Variants in CSMD1 observed in about 807,000 individuals in gnomAD.
CSMD1 encodes the protein CUB and Sushi multiple domains 1, also known as CUB and sushi domain-containing protein 1.
Under a neutral mutation model 417.5 loss-of-function variants are expected in CSMD1, and 213 were observed. The observed-to-expected ratio is 0.51, with a 90% confidence interval of 0.46 to 0.57. CSMD1 has a LOEUF of 0.57. Among genes scored for constraint, CSMD1 ranks in the 20% least tolerant of loss-of-function variants. The pLI, the probability that CSMD1 is intolerant of heterozygous loss-of-function variation, is 0.00. For missense variants in CSMD1, 6,923 were observed against 4,529.7 expected (o/e 1.53, Z -15.17); for synonymous variants, 2,862 against 1,736.8 (o/e 1.65, Z -16.11).
At chr8:4,302,675 TC>T (rs1473163119) in intron 3 of CSMD1, among the ~76,000 whole-genome samples, 2 of 152,178 alleles carry the variant, frequency 1.3e-5, no homozygotes, top group South Asian at 2.1e-4. Flanking sequence ...TCAAAAGCAT[TC>T]ATCTCTACTA....
intron 2 of CSMD1, among the ~76,000 whole-genome samples, chr8:4,447,574 T>G (rs1798886859): frequency 6.6e-6 from 1 of 152,190 alleles, no homozygotes; most frequent in Non-Finnish European, 1.5e-5. Flanking sequence ...ATACCAATGC[T>G]CTGTCAACAG....
chr8:4,770,527 C>G (rs1483081404), intron 1 of CSMD1, among the ~76,000 whole-genome samples: 1 of 151,150 alleles, frequency 6.6e-6, no homozygotes, highest in Non-Finnish European at 1.5e-5. Context: ...AGAAAAAAAT[C>G]AAAAGTTGAA....
chr8:3,255,422 A>T (rs1405972821), intron 26 of CSMD1, among the ~76,000 whole-genome samples: 4 of 152,162 alleles, frequency 2.6e-5, no homozygotes, highest in African/African-American at 9.6e-5. Flanking sequence ...TTCAGTCTGC[A>T]CAGGTTTCTG....
rs1440907142 is a variant in CSMD1, at chr8:3,359,353, G to C, written c.3116-13C>G. 2.5e-6 allele frequency: 4 copies of C among 1,605,938 alleles called. No homozygotes were observed. The highest frequency in any genetic ancestry group is 1.7e-5 in the Admixed American group (1 of 59,764). On this transcript the variant is annotated splice_polypyrimidine_tract_variant and intron_variant, in intron 20 of 69. Coordinates refer to ENST00000635120, the MANE Select transcript of CSMD1 (RefSeq NM_033225.6). ...TCCAGGTCATATTCTGAGGCATGCA[G>C]AGACAGAGTAAATGCATGAGGATTT...
At chr8:4,354,558 A>C (rs1801287106) in intron 3 of CSMD1, among the ~76,000 whole-genome samples, 1 of 152,168 alleles carries the variant, frequency 6.6e-6, no homozygotes, top group Non-Finnish European at 1.5e-5. Flanking sequence ...CATTAGCACT[A>C]AACATAGATG....
intron 49 of CSMD1, among the ~76,000 whole-genome samples, chr8:3,084,650 A>G (rs1814391977): frequency 6.6e-6 from 1 of 152,118 alleles, no homozygotes; most frequent in African/African-American, 2.4e-5. Context: ...TTTATATTTA[A>G]TATAGCTAAA....
chr8:4,152,811 C>A (rs925754626), intron 3 of CSMD1, among the ~76,000 whole-genome samples: 1 of 151,880 alleles, frequency 6.6e-6, no homozygotes, highest in Non-Finnish European at 1.5e-5. Flanking sequence ...CACACATACA[C>A]GTATAGTGAG....
chr8:4,763,313 T>C (rs1338367126), intron 1 of CSMD1, among the ~76,000 whole-genome samples: 4 of 152,218 alleles, frequency 2.6e-5, no homozygotes, highest in Admixed American at 6.5e-5. Flanking sequence ...CTTTCCCTCC[T>C]GAATGATCTC....
chr8:3,847,436 G>C (rs1057381201), intron 5 of CSMD1, among the ~76,000 whole-genome samples: 2 of 152,112 alleles, frequency 1.3e-5, no homozygotes, highest in African/African-American at 4.8e-5. Context: ...CGAGCAGTGG[G>C]CAGTTTTGGG....
At chr8:4,455,937 A>AAAAG (rs1799445330) in intron 2 of CSMD1, among the ~76,000 whole-genome samples, 1 of 116,598 alleles carries the variant, frequency 8.6e-6, no homozygotes, top group Non-Finnish European at 1.8e-5. Context: ...TCCAAAAAAA[A>AAAAG]AAAAAAAAAA....
intron 8 of CSMD1, among the ~76,000 whole-genome samples, chr8:3,592,823 C>T (rs1330835886): frequency 6.6e-6 from 1 of 152,086 alleles, no homozygotes; most frequent in East Asian, 1.9e-4. Flanking sequence ...ACAGTGGGAT[C>T]CAGGTGTACA....
At chr8:4,401,253 A>G (rs928782013) in intron 3 of CSMD1, among the ~76,000 whole-genome samples, 6 of 152,276 alleles carry the variant, frequency 3.9e-5, no homozygotes, top group African/African-American at 1.2e-4. Context: ...TATTTAAAAT[A>G]TTAGATATAT....
At chr8:4,964,683 C>T (rs1224963315) in intron 1 of CSMD1, among the ~76,000 whole-genome samples, 2 of 152,058 alleles carry the variant, frequency 1.3e-5, no homozygotes, top group Non-Finnish European at 2.9e-5. Context: ...ATTCTCCATT[C>T]TCCAGGTTCC....
rs377378279 is a variant in CSMD1 at position 4,904,335 on chromosome 8, G to T, written c.85+89997C>A. ...AAAATCAATAATTTATTACATCTAT[G>T]AGTATTTATGCCTACAGCATGCAAG... is the stretch of plus-strand genomic sequence containing the variant. On this transcript the variant is annotated intron_variant, in intron 1 of 69. Transcript: ENST00000635120. 2.6e-5 allele frequency among the ~76,000 whole-genome samples: 4 copies of T among 152,288 alleles called. No homozygotes were observed. The South Asian group carries it at 8.3e-4, about 32-fold the overall frequency.
At chr8:4,629,538 A>C (rs565049304) in intron 2 of CSMD1, among the ~76,000 whole-genome samples, 4 of 152,326 alleles carry the variant, frequency 2.6e-5, no homozygotes, top group African/African-American at 9.6e-5. Context: ...TGTCTTTCAT[A>C]CTTATTAGAA....
intron 2 of CSMD1, among the ~76,000 whole-genome samples, chr8:4,556,815 A>C (rs1798111284): frequency 6.6e-6 from 1 of 152,198 alleles, no homozygotes; most frequent in Non-Finnish European, 1.5e-5. Context: ...AGCTCAAATC[A>C]AACACTCATT....
intron 5 of CSMD1, among the ~76,000 whole-genome samples, chr8:3,823,748 A>G (rs1163195402): frequency 2.6e-5 from 4 of 152,148 alleles, no homozygotes; most frequent in Non-Finnish European, 5.9e-5. Context: ...AAGTAAACTT[A>G]TATGTTTTTC....
At chr8:4,510,389 C>CAAAAAAAAAAAAA (rs1563243981) in intron 2 of CSMD1, among the ~76,000 whole-genome samples, 6 of 10,958 alleles carry the variant, frequency 5.5e-4, no homozygotes, top group African/African-American at 2.5e-3. Flanking sequence ...AGCATAATGC[C>CAAAAAAAAAAAAA]TAAAAAAAAA....
intron 4 of CSMD1, among the ~76,000 whole-genome samples, chr8:4,029,777 G>C (rs1438131693): frequency 6.6e-6 from 1 of 152,052 alleles, no homozygotes; most frequent in Non-Finnish European, 1.5e-5. Flanking sequence ...TCTTATCTGA[G>C]ACAAAACAAG....
Sources: allele counts gnomAD v4.1 joint callset (sites outside exome capture counted in the v4.1 genomes callset), GRCh38; gene constraint gnomAD v4.1.1; transcripts MANE v1.5; gene names NCBI Gene and HGNC (gene_info 2026-07-23, HGNC 2026-07-21).